The following CLASRP variants were observed in gnomAD, a reference collection of about 807,000 sequenced individuals.
CLASRP encodes CLK4 associating serine/arginine rich protein.
In CLASRP, 52 loss-of-function variants were observed where a neutral mutation model predicts 99.9. The observed-to-expected ratio is 0.52, with a 90% CI of 0.42 to 0.66. CLASRP has a LOEUF of 0.66. Among genes scored for constraint, CLASRP ranks in the 30% least tolerant of loss-of-function variants. The pLI is 0.00. For synonymous variants in CLASRP, 379 were observed against 373.0 expected, an observed-to-expected ratio of 1.02 and a Z score of -0.18; for missense variants, 848 against 999.2, an observed-to-expected ratio of 0.85 and a Z score of 2.04.
intron 2 of CLASRP, among the ~76,000 whole-genome samples, chr19:45,043,140 A>G (rs1398987553): frequency 6.6e-6 from 1 of 151,850 alleles, no homozygotes; most frequent in African/African-American, 2.4e-5. Flanking sequence ...AATATTCCAA[A>G]ATCTGAAAAA....
intron 6 of CLASRP, 119 bp downstream of exon 6, chr19:45,056,653 GCA>G: frequency 2.5e-6 from 2 of 809,106 alleles, no homozygotes; most frequent in Non-Finnish European, 4.1e-6. Flanking sequence ...ATGGTGTTCA[GCA>G]CACAGTCAGT....
chr19:45,060,500 G>A lies in CLASRP; in HGVS notation c.789+33G>A. 6.2e-7 allele frequency: 1 copy of A among 1,613,682 alleles called. No homozygotes were observed. Among genetic ancestry groups the A allele is most frequent in the South Asian group, 1.1e-5 (1 of 91,066 alleles). On this transcript the variant is annotated intron_variant, in intron 9 of 20. Coordinates refer to ENST00000221455, the MANE Select transcript of CLASRP (RefSeq NM_007056.3). The surrounding 1 kb of genome is among the most constrained non-coding windows in gnomAD (Gnocchi z 4.6). ...CTGGGCTGGAGTGGAAGGGGACAGG[G>A]GTGTGTCACAGGGAGGGCACCCCCT...
At chr19:45,051,582 A>G (rs370018152) in intron 2 of CLASRP, among the ~76,000 whole-genome samples, 2 of 152,118 alleles carry the variant, frequency 1.3e-5, no homozygotes, top group South Asian at 2.1e-4. Flanking sequence ...TTGAGATTAC[A>G]GGCGTGAGCC....
chr19:45,069,304 C>T (rs1967178426), intron 18 of CLASRP, 56 bp downstream of exon 18: 4 of 1,566,212 alleles, frequency 2.6e-6, no homozygotes, highest in Non-Finnish European at 3.5e-6. Context: ...GCCTGGCCTT[C>T]CCACCATGGG....
In CLASRP at chr19:45,070,525, T is replaced by G; in HGVS notation, c.1958-12T>G. On this transcript the variant is annotated splice_polypyrimidine_tract_variant and intron_variant, in intron 19 of 20. Transcript: ENST00000221455. Reference sequence around the variant, plus strand: ...ATGTTTGCTCGCTCTTCACCTGTTGTTTTCTTTCCAGGTCGAGAATACAGC... The same window carrying G: ...ATGTTTGCTCGCTCTTCACCTGTTGGTTTCTTTCCAGGTCGAGAATACAGC... 1 of 1,613,858 alleles carries G rather than the reference T, an allele frequency of 6.2e-7. No individual in the cohort carries two copies. Among genetic ancestry groups the G allele is most frequent in the Non-Finnish European group, 8.5e-7 (1 of 1,179,768 alleles).
chr19:45,040,764 G>A (rs1375717923), intron 2 of CLASRP: 1 of 161,072 alleles, frequency 6.2e-6, no homozygotes, highest in African/African-American at 2.4e-5. Context: ...ACGAGTTCGA[G>A]ACCAGCCTGG....
chr19:45,057,853 G>A lies in CLASRP; in HGVS notation c.568G>A (p.Glu190Lys), dbSNP rs1255169317. The A allele has an allele frequency of 1.9e-6, 3 of 1,613,892 alleles. No individual in the cohort carries two copies. Among genetic ancestry groups the A allele is most frequent in the Non-Finnish European group, 2.5e-6 (3 of 1,179,950 alleles). ...GCCAGAGGAGGAGGAGTCAGCGGCCGAGGAGGAGAGCAACTCGGACGAAGA... is the reference window on the plus strand; with the variant it reads ...GCCAGAGGAGGAGGAGTCAGCGGCCAAGGAGGAGAGCAACTCGGACGAAGA... The part of the protein sequence containing the change: ...EKPEEEESAA[E>K]EESNSDEDEV... Residue 190 changes from glutamate to lysine, a missense_variant, in exon 7 of 21, where the codon GAG becomes AAG. This residue lies in a region of CLASRP where 119 missense variants were observed against 170.2 expected (regional missense o/e 0.70). Coordinates refer to ENST00000221455, the MANE Select transcript of CLASRP (RefSeq NM_007056.3).
intron 13 of CLASRP, among the ~76,000 whole-genome samples, chr19:45,066,151 C>T (rs1967082519): frequency 6.6e-6 from 1 of 152,086 alleles, no homozygotes; most frequent in Non-Finnish European, 1.5e-5. Context: ...GACAGAGTCT[C>T]ACTGTGTCAC....
At chr19:45,068,505 G>T (rs1201592502) in intron 16 of CLASRP, 25 bp downstream of exon 16, 5 of 1,568,552 alleles carry the variant, frequency 3.2e-6, no homozygotes, top group South Asian at 1.1e-5. Context: ...GTCCCTCCAG[G>T]GTTTCACAGC....
chr19:45,070,741 G>C, intron 20 of CLASRP, 62 bp from the exon 21 acceptor site: 4 of 1,435,462 alleles, frequency 2.8e-6, no homozygotes, highest in Middle Eastern at 3.5e-4. Context: ...AAGCATCCAC[G>C]GCCCCAGGTG....
chr19:45,059,403 G>A (rs374822691), intron 8 of CLASRP, 39 bp downstream of exon 8: 2 of 1,494,268 alleles, frequency 1.3e-6, no homozygotes, highest in South Asian at 2.4e-5. Flanking sequence ...CATTCTGTGG[G>A]CCCCACCCTG....
rs772389804 is a variant in CLASRP, at chr19:45,067,979, C to T, written c.1668-36C>T. On this transcript the variant is annotated intron_variant, in intron 14 of 20. Transcript: ENST00000221455. The surrounding 1 kb of genome is among the most constrained non-coding windows in gnomAD (Gnocchi z 4.9). ...CAGAGGTGGCAGCTGCCCTTTCCCC[C>T]TCCCAACCATGTCCTCTGGCCCTGC... The T allele has an allele frequency of 7.7e-6, 12 of 1,550,450 alleles. No individual in the cohort carries two copies. Among genetic ancestry groups the T allele is most frequent in the South Asian group, 1.1e-5 (1 of 89,834 alleles).
intron 15 of CLASRP, 55 bp downstream of exon 15, chr19:45,068,109 G>T: frequency 6.4e-7 from 1 of 1,568,466 alleles, no homozygotes; most frequent in South Asian, 1.1e-5. Flanking sequence ...CAGTGCCCAA[G>T]AGCTGGGCCC....
intron 7 of CLASRP, among the ~76,000 whole-genome samples, chr19:45,058,813 T>A (rs1310516976): frequency 6.6e-6 from 1 of 151,888 alleles, no homozygotes; most frequent in African/African-American, 2.4e-5. Flanking sequence ...CCACCCACCG[T>A]GATCTCCAGC....
intron 6 of CLASRP, 134 bp from the exon 7 acceptor site, chr19:45,057,616 A>T: frequency 1.0e-6 from 1 of 962,598 alleles, no homozygotes; most frequent in East Asian, 2.4e-5. Context: ...GGGTGTGGGC[A>T]GGAGCAGAGG....
chr19:45,066,016 C>T (rs1050107022), intron 13 of CLASRP, among the ~76,000 whole-genome samples: 1 of 152,210 alleles, frequency 6.6e-6, no homozygotes, highest in Non-Finnish European at 1.5e-5. Context: ...CACATGTTCC[C>T]TCCAGTCGGG....
chr19:45,054,154 G>C (rs575526391), intron 5 of CLASRP, among the ~76,000 whole-genome samples: 1 of 152,370 alleles, frequency 6.6e-6, no homozygotes, highest in African/African-American at 2.4e-5. Context: ...GGCTTGCCCA[G>C]GGAGGTTTGG....
chr19:45,046,716 G>C (rs1313130230), intron 2 of CLASRP, among the ~76,000 whole-genome samples: 1 of 152,348 alleles, frequency 6.6e-6, no homozygotes, highest in East Asian at 1.9e-4. Flanking sequence ...CCTAGAGACA[G>C]GATAATCCAG....
rs749346184 is a variant in CLASRP at position 45,064,327 on chromosome 19, C to T, written c.1122-16C>T. The T allele has an allele frequency of 2.6e-6, 4 of 1,519,048 alleles. No individual in the cohort carries two copies. The highest frequency in any genetic ancestry group is 3.5e-6 in the Non-Finnish European group (4 of 1,137,356). The allele number at this position is 1,519,048 out of a possible 1,614,324, so 94.1% of individuals were successfully genotyped here. Reference sequence around the variant, plus strand: ...CTCAGGCCTGCGCTGACCGGCCCTCCGTGCCCCGCCTGCAGCCGCCGCTCC... The same window carrying T: ...CTCAGGCCTGCGCTGACCGGCCCTCTGTGCCCCGCCTGCAGCCGCCGCTCC... On this transcript the variant is annotated splice_polypyrimidine_tract_variant and intron_variant, in intron 12 of 20. Coordinates refer to ENST00000221455, the MANE Select transcript of CLASRP (RefSeq NM_007056.3).
Sources: allele counts gnomAD v4.1 joint callset (sites outside exome capture counted in the v4.1 genomes callset), GRCh38; gene constraint gnomAD v4.1.1; regional missense constraint gnomAD v4.1.1; non-coding constraint Gnocchi (gnomAD v3.1); transcripts MANE v1.5; gene names NCBI Gene and HGNC (gene_info 2026-07-23, HGNC 2026-07-21).